The following NEK1 variants were observed in gnomAD, a reference collection of about 807,000 sequenced individuals.
NEK1 encodes NIMA related kinase 1.
In NEK1, 137 loss-of-function variants were observed where a neutral mutation model predicts 182.1. The observed-to-expected ratio is 0.75, with a 90% confidence interval of 0.65 to 0.87. NEK1 has a LOEUF of 0.87. Ranked by LOEUF, NEK1 falls within the 40% of genes least tolerant of loss-of-function variation. NEK1 has a pLI of 0.00. For synonymous variants in NEK1, 513 were observed against 492.2 expected (o/e 1.04, Z -0.56); for missense variants, 1,391 against 1,494.4 (o/e 0.93, Z 1.14).
intron 23 of NEK1, among the ~76,000 whole-genome samples, chr4:169,483,916 A>G (rs999236686): frequency 4.0e-5 from 6 of 151,636 alleles, no homozygotes; most frequent in Non-Finnish European, 8.8e-5. Flanking sequence ...AAATATCTAG[A>G]GCTCACCTAA....
Position 169,400,526 on chromosome 4 carries a change from T to C in NEK1, c.3709A>G (p.Ile1237Val), listed in dbSNP as rs750338887. ...FEKFFEVYEK[I>V]KAIHEDEDEN... ...TTAATTGACTTTTCACTTACCTTTA[T>C]TTTCTCATAAACCTCAAAGAATTTT... Residue 1237 changes from isoleucine (I) to valine (V), a missense_variant, in exon 34 of 36, where the codon ATA (isoleucine) becomes GTA (valine). By Grantham distance (29) the Ile-to-Val change is conservative (BLOSUM62 3). Around this residue, in one of 5 missense-constraint regions of NEK1, gnomAD observed 1,216 missense variants for 1,277.6 expected, o/e 0.95. Transcript: ENST00000507142. 6 of 1,597,972 alleles carry C rather than the reference T, an allele frequency of 3.8e-6. No individual in the cohort carries two copies. The highest frequency in any genetic ancestry group is 5.1e-6 in the Non-Finnish European group (6 of 1,174,916).
chr4:169,493,662 A>G (rs1750552218), intron 23 of NEK1, among the ~76,000 whole-genome samples: 1 of 152,250 alleles, frequency 6.6e-6, no homozygotes, highest in East Asian at 1.9e-4. Context: ...AGCCTTAACA[A>G]CAAACTAGAC....
intron 24 of NEK1, among the ~76,000 whole-genome samples, chr4:169,479,043 T>G (rs887291096): frequency 6.6e-6 from 1 of 152,170 alleles, no homozygotes; most frequent in Non-Finnish European, 1.5e-5. Context: ...AGAGCTACTT[T>G]AGCACCAAAG....
intron 26 of NEK1, among the ~76,000 whole-genome samples, chr4:169,472,004 C>T (rs1579967444): frequency 6.6e-6 from 1 of 152,172 alleles, no homozygotes; most frequent in Admixed American, 6.5e-5. Flanking sequence ...GACTGCTGTG[C>T]AGGCAGCGAG....
In NEK1 at chr4:169,546,746, G is replaced by A. The variant is rs148765572; in HGVS notation, c.1563-8835C>T. 4.2e-3 allele frequency among the ~76,000 whole-genome samples: 635 copies of A among 152,166 alleles called. 7 individuals are homozygous for A. Among genetic ancestry groups the A allele is most frequent in the African/African-American group, 0.014 (576 of 41,516 alleles). ...ATTACGCAATGCCCTTCTTTGTCTC[G>A]TTTGATCTTTGTTGGTTTAAAGTCT... On this transcript the variant is annotated intron_variant, in intron 18 of 35. Transcript: ENST00000507142.
chr4:169,571,581 C>T (rs1764858757), intron 12 of NEK1, among the ~76,000 whole-genome samples: 1 of 152,154 alleles, frequency 6.6e-6, no homozygotes, highest in Admixed American at 6.5e-5. Flanking sequence ...GCAGCAAGTA[C>T]AAACTTGTTT....
intron 26 of NEK1, among the ~76,000 whole-genome samples, chr4:169,472,053 G>C (rs1746073099): frequency 6.6e-6 from 1 of 152,112 alleles, no homozygotes; most frequent in Non-Finnish European, 1.5e-5. Context: ...GGGGCTCCGT[G>C]GGGGTGGGAT....
At chr4:169,553,892 G>A (rs1761776823) in intron 18 of NEK1, among the ~76,000 whole-genome samples, 1 of 152,178 alleles carries the variant, frequency 6.6e-6, no homozygotes, top group African/African-American at 2.4e-5. Flanking sequence ...CTGCTGGCAG[G>A]AACGCATAAT....
chr4:169,537,732 C>T, intron 19 of NEK1, 77 bp downstream of exon 19: 1 of 1,092,136 alleles, frequency 9.2e-7, no homozygotes, highest in African/African-American at 1.5e-5. Context: ...ATTCTTTTTA[C>T]TTACACTTAC....
At chr4:169,522,232 CTTCTA>C (rs1177713197) in intron 19 of NEK1, among the ~76,000 whole-genome samples, 3 of 152,068 alleles carry the variant, frequency 2.0e-5, no homozygotes, top group African/African-American at 7.2e-5. Context: ...TTCCTTAAAA[CTTCTA>C]TTTGTTTGCT....
At chr4:169,408,433 T>G (rs1733020692) in intron 31 of NEK1, among the ~76,000 whole-genome samples, 1 of 152,172 alleles carries the variant, frequency 6.6e-6, no homozygotes. Flanking sequence ...ATAGATTTAT[T>G]TATTCTCATT....
At chr4:169,408,151 G>A (rs949748080) in intron 31 of NEK1, among the ~76,000 whole-genome samples, 4 of 152,128 alleles carry the variant, frequency 2.6e-5, no homozygotes, top group Non-Finnish European at 5.9e-5. Flanking sequence ...AATTAAATTT[G>A]GGGTTACTAC....
chr4:169,469,946 C>CT (rs61539003), intron 26 of NEK1, among the ~76,000 whole-genome samples: 6,172 of 118,874 alleles, frequency 0.052, 193 homozygotes, highest in African/African-American at 0.074. Flanking sequence ...GCAACCCCTG[C>CT]TTTTTTTTTT....
chr4:169,441,025 G>T (rs1338563259), intron 27 of NEK1, among the ~76,000 whole-genome samples: 1 of 152,120 alleles, frequency 6.6e-6, no homozygotes, highest in Non-Finnish European at 1.5e-5. Flanking sequence ...CTATAGATTT[G>T]CAACCTTGTG....
At chr4:169,472,608 CTT>C (rs1746209512) in intron 26 of NEK1, among the ~76,000 whole-genome samples, 1 of 152,204 alleles carries the variant, frequency 6.6e-6, no homozygotes, top group African/African-American at 2.4e-5. Flanking sequence ...CCCCAACTTA[CTT>C]GTATCTTTCT....
chr4:169,566,082 C>T (rs545877639), intron 12 of NEK1, among the ~76,000 whole-genome samples: 2 of 152,228 alleles, frequency 1.3e-5, no homozygotes, highest in East Asian at 3.9e-4. Flanking sequence ...ACTTTAGTAG[C>T]CAGTCTAGCA....
intron 23 of NEK1, among the ~76,000 whole-genome samples, chr4:169,482,515 T>C (rs1190978578): frequency 1.3e-5 from 2 of 151,808 alleles, no homozygotes; most frequent in East Asian, 3.9e-4. Context: ...TCTCACTATG[T>C]CATCCATGCT....
chr4:169,498,261 C>A (rs1189033078), intron 23 of NEK1, among the ~76,000 whole-genome samples: 13 of 152,120 alleles, frequency 8.5e-5, no homozygotes, highest in East Asian at 1.9e-4. Context: ...TGCTTGGTAG[C>A]TCTTCCTCCA....
At chr4:169,528,406 C>T (rs1757200122) in intron 19 of NEK1, among the ~76,000 whole-genome samples, 2 of 152,124 alleles carry the variant, frequency 1.3e-5, no homozygotes, top group African/African-American at 2.4e-5. Context: ...AGCTGGGACC[C>T]TTGTTCATTA....
Sources: allele counts gnomAD v4.1 joint callset (sites outside exome capture counted in the v4.1 genomes callset), GRCh38; gene constraint gnomAD v4.1.1; regional missense constraint gnomAD v4.1.1; transcripts MANE v1.5; gene names NCBI Gene and HGNC (gene_info 2026-07-23, HGNC 2026-07-21).